The following MUC5B variants were observed in gnomAD, a reference collection of about 807,000 sequenced individuals.
MUC5B encodes mucin 5B, oligomeric mucus/gel-forming.
A neutral mutation model predicts 376.9 loss-of-function variants in MUC5B; 116 were observed. The ratio of observed to expected loss-of-function variants is 0.31; its 90% CI spans 0.26 to 0.36. The LOEUF is 0.36. Ranked by LOEUF, MUC5B falls within the 10% of genes least tolerant of loss-of-function variation. The pLI, the probability that MUC5B is intolerant of heterozygous loss-of-function variation, is 1.00. For synonymous variants in MUC5B, 3,517 were observed against 3,390.9 expected, an observed-to-expected ratio of 1.04 and a Z score of -1.29; for missense variants, 7,165 against 7,769.9, an observed-to-expected ratio of 0.92 and a Z score of 2.93.
Position 1,246,144 on chromosome 11 carries a change from G to C in MUC5B, c.9264G>C (p.Met3088Ile), listed in dbSNP as rs200441476. The change falls in exon 31 of 49, where the codon ATG (methionine) becomes ATC (isoleucine). Residue 3088 changes from methionine (M) to isoleucine (I), a missense_variant. Transcript: ENST00000529681. ...TCCCAGAACAGACCACCACACCCAT[G>C]GCCACCATGTCCACAATCCACCCCT... ...GTLPEQTTTP[M>I]ATMSTIHPSS... is the part of the protein sequence containing the mutation. 6.2e-7 allele frequency: 1 copy of C among 1,607,076 alleles called. No homozygotes were observed. Among genetic ancestry groups the C allele is most frequent in the East Asian group, 2.2e-5 (1 of 44,576 alleles).
intron 35 of MUC5B, 64 bp downstream of exon 35, chr11:1,254,944 T>A (rs1173405092): frequency 8.7e-7 from 1 of 1,144,320 alleles, no homozygotes. Context: ...CCAGTGAGCA[T>A]AGGGGAAGCC....
chr11:1,260,587 G>A, intron 47 of MUC5B, 39 bp from the exon 48 acceptor site: 1 of 1,565,170 alleles, frequency 6.4e-7, no homozygotes, highest in East Asian at 2.3e-5. Flanking sequence ...TCAGAGTGAG[G>A]GTCCAGTGGG....
Position 1,253,766 on chromosome 11 carries a change from T to C in MUC5B, c.15218-326T>C, listed in dbSNP as rs766997367. 2.0e-4 allele frequency among the ~76,000 whole-genome samples: 31 copies of C among 152,210 alleles called. No homozygotes were observed. Among genetic ancestry groups the C allele is most frequent in the Non-Finnish European group, 4.1e-4 (28 of 68,032 alleles). On this transcript the variant is annotated intron_variant, in intron 33 of 48. Coordinates refer to ENST00000529681, the MANE Select transcript of MUC5B (RefSeq NM_002458.3). The surrounding 1 kb of genome is among the most constrained non-coding windows in gnomAD (Gnocchi z 4.3). ...CCCCTCTCTGTGTCTGTGTCTCTTCTGTCTCCCGTAAGGACACTGGTCATT... is the reference window on the plus strand; with the variant it reads ...CCCCTCTCTGTGTCTGTGTCTCTTCCGTCTCCCGTAAGGACACTGGTCATT...
chr11:1,249,390 G>C lies in MUC5B; in HGVS notation c.12510G>C (p.Leu4170=), dbSNP rs561691401. The C allele has an allele frequency of 2.5e-6, 4 of 1,611,232 alleles. No homozygotes were observed. In the African/African-American group the frequency reaches 5.3e-5, roughly 22 times the overall value. ...AAGGAVCEQP[L]GLECRAQAQP... is the part of the protein sequence containing the mutation. The stretch of plus-strand genomic sequence containing the variant: ...GAGGGGCCGTCTGTGAGCAGCCCCT[G>C]GGCCTCGAGTGCCGTGCCCAGGCCC... The change falls in exon 31 of 49, where the codon CTG becomes CTC. Residue 4170 remains leucine (L), a synonymous_variant. Coordinates refer to ENST00000529681, the MANE Select transcript of MUC5B (RefSeq NM_002458.3).
At chr11:1,239,753 G>C (rs902951315) in intron 27 of MUC5B, 46 bp from the exon 28 acceptor site, 3 of 1,575,040 alleles carry the variant, frequency 1.9e-6, no homozygotes, top group Admixed American at 3.6e-5. Flanking sequence ...TGGCTGGAGA[G>C]ACTAAAGGGC....
At position 1,252,999 on chromosome 11, in the gene MUC5B, G is replaced by A. The variant is rs375234138; in HGVS notation, c.15217+19G>A. 1.4e-5 allele frequency: 23 copies of A among 1,612,142 alleles called. No homozygotes were observed. Among genetic ancestry groups the A allele is most frequent in the East Asian group, 6.7e-5 (3 of 44,892 alleles). On this transcript the variant is annotated intron_variant, in intron 33 of 48. Coordinates refer to ENST00000529681, the MANE Select transcript of MUC5B (RefSeq NM_002458.3). ...TGCGAGTGTGAGTGCGTCGGTGGCCGCGGGATTACCCCGGGGGCAGGTGGA... is the reference window on the plus strand; with the variant it reads ...TGCGAGTGTGAGTGCGTCGGTGGCCACGGGATTACCCCGGGGGCAGGTGGA...
chr11:1,254,283 A>G lies in MUC5B; in HGVS notation c.15409A>G (p.Ser5137Gly), dbSNP rs1590190948. Residue 5137 changes from serine to glycine, a missense_variant, in exon 34 of 49, where the codon AGC (serine) becomes GGC (glycine). By Grantham distance (56) the Ser-to-Gly change is moderately conservative. This residue lies in a region of MUC5B where 842 missense variants were observed against 1,016.9 expected (regional missense o/e 0.83). Transcript: ENST00000529681. ...TGCCGCCCGCTGCCCCCGCGCCCTC[A>G]GCATCCACTACAAGTCCATGGATAT... ...AAAARCPRAL[S>G]IHYKSMDIVL... is the part of the protein sequence containing the mutation. 6.2e-7 allele frequency: 1 copy of G among 1,611,022 alleles called. No homozygotes were observed. The highest frequency in any genetic ancestry group is 8.5e-7 in the Non-Finnish European group (1 of 1,179,850).
chr11:1,258,160 C>G lies in MUC5B; in HGVS notation c.16512C>G (p.Ile5504Met), dbSNP rs1395094792. Residue 5504 changes from isoleucine (I) to methionine (M), a missense_variant, in exon 42 of 49, where the codon ATC becomes ATG. Around this residue, in one of 31 missense-constraint regions of MUC5B, gnomAD observed 842 missense variants for 1,016.9 expected, o/e 0.83. Coordinates refer to ENST00000529681, the MANE Select transcript of MUC5B (RefSeq NM_002458.3). The surrounding 1 kb of genome is among the most constrained non-coding windows in gnomAD (Gnocchi z 5.5). The stretch of plus-strand genomic sequence containing the variant: ...TGTGCCCGCCAGGGCAGGAGTCCAT[C>G]TGCACCCAGGAGGAGGGCGACTGCT... ...LPVCPPGQES[I>M]CTQEEGDCCP... 1 of 1,602,802 alleles carries G rather than the reference C, an allele frequency of 6.2e-7. No homozygotes were observed. Among genetic ancestry groups the G allele is most frequent in the East Asian group, 2.2e-5 (1 of 44,560 alleles).
intron 9 of MUC5B, 87 bp from the exon 10 acceptor site, chr11:1,229,603 G>A (rs1861974709): frequency 8.3e-7 from 1 of 1,204,066 alleles, no homozygotes; most frequent in African/African-American, 1.5e-5. Context: ...CCTCCCCAAG[G>A]GAGGCAGCTT....
At chr11:1,232,287 G>A in intron 15 of MUC5B, 127 bp downstream of exon 15, 4 of 1,362,834 alleles carry the variant, frequency 2.9e-6, no homozygotes, top group Non-Finnish European at 4.0e-6. Context: ...GGAGGCATCA[G>A]GAGGAGGTGC....
rs369627781 is a variant in MUC5B at position 1,225,834 on chromosome 11, G to A, written c.127+97G>A. The stretch of plus-strand genomic sequence containing the variant: ...CAGACGCCTCTCCAAGCAGCCATGC[G>A]TCTGACAGAGACCCTCCCTGGGTCC... On this transcript the variant is annotated intron_variant, in intron 2 of 48. Transcript: ENST00000529681. The A allele has an allele frequency of 9.0e-5, 108 of 1,194,858 alleles. No homozygotes were observed. In the East Asian group the frequency reaches 1.7e-3, roughly 18 times the overall value. The allele number at this position is 1,194,858 out of a possible 1,614,324, so 74.0% of individuals were successfully genotyped here. A position where few individuals can be genotyped will look rare whatever the true frequency, so the allele number is the denominator to read the frequency against.
Position 1,244,218 on chromosome 11 carries a change from TG to T in MUC5B, c.7339del (p.Glu2447SerfsTer28), listed in dbSNP as rs1255809771. On this transcript the variant is annotated frameshift_variant, in exon 31 of 49. Transcript: ENST00000529681. LOFTEE classifies it high-confidence loss of function. ...AGCTGACCACAACAGCCACTACGAC[TG>T]AGTCCACTGGATCCACGGCCACCCC... ...TELTTTATTT[E>X]STGSTATPSS... 1 of 1,610,824 alleles carries T rather than the reference TG, an allele frequency of 6.2e-7. No homozygotes were observed. Among genetic ancestry groups the T allele is most frequent in the Non-Finnish European group, 8.5e-7 (1 of 1,178,138 alleles).
chr11:1,227,288 C>T lies in MUC5B; in HGVS notation c.577-20C>T. 1.2e-6 allele frequency: 2 copies of T among 1,603,492 alleles called. No individual in the cohort carries two copies. The highest frequency in any genetic ancestry group is 1.7e-6 in the Non-Finnish European group (2 of 1,172,104). On this transcript the variant is annotated intron_variant, in intron 5 of 48. Coordinates refer to ENST00000529681, the MANE Select transcript of MUC5B (RefSeq NM_002458.3). Reference sequence around the variant, plus strand: ...GGGATCAGAGGTCCTGAGGCTGGAGCTGCCCCTCCCCACTCTCAGCTGGAG... The same window carrying T: ...GGGATCAGAGGTCCTGAGGCTGGAGTTGCCCCTCCCCACTCTCAGCTGGAG...
At position 1,228,650 on chromosome 11, in the gene MUC5B, C is replaced by T. The variant is rs907047881; in HGVS notation, c.861C>T (p.Cys287=). The change falls in exon 8 of 49, where the codon TGC becomes TGT. Residue 287 remains cysteine, a synonymous_variant. Coordinates refer to ENST00000529681, the MANE Select transcript of MUC5B (RefSeq NM_002458.3). ...LVDSTAYLAA[C]AQDLCRCPTC... Reference sequence around the variant, plus strand: ...ACAGCACTGCGTACCTGGCCGCCTGCGCCCAGGACCTGTGCCGCTGCCCCA... The same window carrying T: ...ACAGCACTGCGTACCTGGCCGCCTGTGCCCAGGACCTGTGCCGCTGCCCCA... 86 of 1,534,232 alleles carry T rather than the reference C, an allele frequency of 5.6e-5. No individual in the cohort carries two copies. Among genetic ancestry groups the T allele is most frequent in the East Asian group, 4.9e-4 (20 of 40,880 alleles).
At chr11:1,235,466 C>G in intron 23 of MUC5B, 53 bp downstream of exon 23, 1 of 1,485,030 alleles carries the variant, frequency 6.7e-7, no homozygotes, top group South Asian at 1.2e-5. Context: ...AACGAGCCGG[C>G]CCCCAGGGAA....
chr11:1,231,409 C>T lies in MUC5B; in HGVS notation c.1541-14C>T, dbSNP rs955276132. ...CTGCACCCCTGACCGGCCTCTCCCC[C>T]ACACTCCCGGCAGCCAACATCACCC... On this transcript the variant is annotated splice_polypyrimidine_tract_variant and intron_variant, in intron 13 of 48. Transcript: ENST00000529681. 11 of 1,603,418 alleles carry T rather than the reference C, an allele frequency of 6.9e-6. No individual in the cohort carries two copies. Among genetic ancestry groups the T allele is most frequent in the Non-Finnish European group, 9.4e-6 (11 of 1,174,212 alleles).
rs368334979 is a variant in MUC5B, at chr11:1,228,502, C to T, written c.775-62C>T. 1.5e-4 allele frequency: 212 copies of T among 1,429,720 alleles called. 4 individuals are homozygous for T. In the South Asian group the frequency reaches 2.7e-3, roughly 18 times the overall value. 88.6% of individuals were successfully genotyped at this position (1,429,720 alleles called of 1,614,324 possible). ...GCCTGGCCTGCCATGGGTCCTATTC[C>T]AGCACCGTGGCAGCCCCCATGGATG... On this transcript the variant is annotated intron_variant, in intron 7 of 48. Coordinates refer to ENST00000529681, the MANE Select transcript of MUC5B (RefSeq NM_002458.3).
At position 1,246,210 on chromosome 11, in the gene MUC5B, C is replaced by T. The variant is rs773916602; in HGVS notation, c.9330C>T (p.Thr3110=). 1.2e-6 allele frequency: 2 copies of T among 1,612,728 alleles called. No homozygotes were observed. The highest frequency in any genetic ancestry group is 1.6e-4 in the Middle Eastern group (1 of 6,062). Residue 3110 remains threonine (T), a synonymous_variant, in exon 31 of 49, where the codon ACC becomes ACT. Transcript: ENST00000529681. The stretch of plus-strand genomic sequence containing the variant: ...CCACCCACACCTCCACAGTGCTGAC[C>T]ACGAAGGCCACCACGACAAGGGCCA... ...PETTHTSTVL[T]TKATTTRATS... is the part of the protein sequence containing the mutation.
At chr11:1,230,467 C>T in intron 11 of MUC5B, 23 bp from the exon 12 acceptor site, 1 of 1,567,228 alleles carries the variant, frequency 6.4e-7, no homozygotes, top group Non-Finnish European at 8.7e-7. Flanking sequence ...AGGCCCAATG[C>T]ACGCGTGGGT....
Sources: gnomAD v4.1 joint callset for allele counts (sites outside exome capture counted in the v4.1 genomes callset) on GRCh38, gnomAD v4.1.1 for gene constraint, gnomAD v4.1.1 regional missense constraint, Gnocchi (gnomAD v3.1) non-coding constraint, MANE v1.5 for transcripts, NCBI Gene and HGNC (gene_info 2026-07-23, HGNC 2026-07-21) for gene names.